CRMP1: variants seen among roughly 807,000 people sequenced by gnomAD.
The protein encoded by CRMP1 is dihydropyrimidinase-related protein 1.
Under a neutral mutation model 68.3 loss-of-function variants are expected in CRMP1, and 19 were observed. The ratio of observed to expected loss-of-function variants is 0.28; its 90% CI spans 0.19 to 0.41. The LOEUF (loss-of-function observed/expected upper bound fraction) is 0.41. Ranked by LOEUF, CRMP1 falls within the 10% of genes least tolerant of loss-of-function variation. The pLI is 1.00. For synonymous variants in CRMP1, 439 were observed against 399.6 expected, an observed-to-expected ratio of 1.10 and a Z score of -1.18; for missense variants, 791 against 967.4, an observed-to-expected ratio of 0.82 and a Z score of 2.42.
At position 5,883,183 on chromosome 4, in the gene CRMP1, C is replaced by A. The variant is rs58909631; in HGVS notation, c.381+9406G>T. On this transcript the variant is annotated intron_variant, in intron 1 of 13. Coordinates refer to ENST00000324989, the MANE Select transcript of CRMP1 (RefSeq NM_001014809.3). This position sits in a 1 kb window ranked among gnomAD's most constrained non-coding sequence, Gnocchi z 4.5. ...TGCTTCTGCCAGGGCTGAGTCATCT[C>A]TTCTCTGAATTCCTCTGACACCTGT... Among the ~76,000 whole-genome samples the A allele has an allele frequency of 2.5e-3, 376 of 152,278 alleles. 1 individual carries two copies. Among genetic ancestry groups the A allele is most frequent in the African/African-American group, 8.7e-3 (363 of 41,550 alleles).
rs11721972 is a variant in CRMP1, at chr4:5,877,490, G to A, written c.382-10734C>T. Reference sequence around the variant, plus strand: ...GCAAGTGCTGCCATCCCATCCAGCTGCACACTCATATTTATTCACAGAAAC... The same window carrying A: ...GCAAGTGCTGCCATCCCATCCAGCTACACACTCATATTTATTCACAGAAAC... On this transcript the variant is annotated intron_variant, in intron 1 of 13. Coordinates refer to ENST00000324989, the MANE Select transcript of CRMP1 (RefSeq NM_001014809.3). This position sits in a 1 kb window ranked among gnomAD's most constrained non-coding sequence, Gnocchi z 4.3. 2.0e-5 allele frequency among the ~76,000 whole-genome samples: 3 copies of A among 152,142 alleles called. No homozygotes were observed. Among genetic ancestry groups the A allele is most frequent in the African/African-American group, 4.8e-5 (2 of 41,440 alleles).
At chr4:5,829,808 T>G (rs1276414724) in intron 11 of CRMP1, among the ~76,000 whole-genome samples, 1 of 152,216 alleles carries the variant, frequency 6.6e-6, no homozygotes, top group Non-Finnish European at 1.5e-5. Context: ...AACAGTTGGG[T>G]CATTACCATG....
intron 3 of CRMP1, among the ~76,000 whole-genome samples, chr4:5,856,673 CCAT>C (rs576240234): frequency 1.6e-4 from 24 of 151,180 alleles, no homozygotes; most frequent in East Asian, 1.6e-3. Flanking sequence ...ATTACCATCA[CCAT>C]CATCATCATC....
chr4:5,823,461 T>G (rs1560473940), intron 13 of CRMP1, among the ~76,000 whole-genome samples: 1 of 152,208 alleles, frequency 6.6e-6, no homozygotes, highest in South Asian at 2.1e-4. Context: ...GACACTAATA[T>G]GGTTTGGACT....
chr4:5,828,205 C>T, intron 12 of CRMP1: 2 of 985,408 alleles, frequency 2.0e-6, no homozygotes, highest in Non-Finnish European at 2.4e-6. Context: ...GGACAGCGCC[C>T]AGAGCAGCTT....
intron 1 of CRMP1, among the ~76,000 whole-genome samples, chr4:5,875,759 C>A (rs1714769814): frequency 1.3e-5 from 2 of 152,120 alleles, no homozygotes; most frequent in South Asian, 4.1e-4. Context: ...ACACAGAGAC[C>A]GTGAGTTTTC....
Position 5,889,891 on chromosome 4 carries a change from G to C in CRMP1, c.381+2698C>G. On this transcript the variant is annotated intron_variant, in intron 1 of 13. Transcript: ENST00000324989. This position sits in a 1 kb window ranked among gnomAD's most constrained non-coding sequence, Gnocchi z 4.5. ...TTAGCTTCACAGAGAAGCCAGCTCA[G>C]TATCCCAGGAACACTAGGCATAATT... 7.1e-7 allele frequency: 1 copy of C among 1,417,774 alleles called. No individual in the cohort carries two copies. The highest frequency in any genetic ancestry group is 9.2e-7 in the Non-Finnish European group (1 of 1,088,202). 87.8% of individuals were successfully genotyped at this position (1,417,774 alleles called of 1,614,324 possible).
At position 5,888,289 on chromosome 4, in the gene CRMP1, C is replaced by A; in HGVS notation, c.381+4300G>T. The A allele has an allele frequency of 7.9e-7, 1 of 1,266,168 alleles. No homozygotes were observed. The highest frequency in any genetic ancestry group is 3.9e-5 in the Admixed American group (1 of 25,532). The allele number at this position is 1,266,168 out of a possible 1,614,324, so 78.4% of individuals were successfully genotyped here. On this transcript the variant is annotated intron_variant, in intron 1 of 13. Transcript: ENST00000324989. The surrounding 1 kb of genome is among the most constrained non-coding windows in gnomAD (Gnocchi z 6.4). ...CATGGCCCCCTCTGGCGCCCTCGGC[C>A]CGGCCGCTGACCTGCGGGGCTGTCT...
Position 5,842,589 on chromosome 4 carries a change from C to A in CRMP1, c.1032+504G>T, listed in dbSNP as rs1252780232. On this transcript the variant is annotated intron_variant, in intron 7 of 13. Transcript: ENST00000324989. This position sits in a 1 kb window ranked among gnomAD's most constrained non-coding sequence, Gnocchi z 4.5. ...GTGCATGCACATGCACCCACACTCA[C>A]ACACTCTCTCACACACACACACACA... 8.3e-6 allele frequency among the ~76,000 whole-genome samples: 1 copy of A among 120,134 alleles called. No homozygotes were observed. The highest frequency in any genetic ancestry group is 2.3e-4 in the East Asian group (1 of 4,348). The allele number at this position is 120,134 out of a possible 152,430, so 78.8% of individuals were successfully genotyped here.
Position 5,888,655 on chromosome 4 carries a change from C to T in CRMP1, c.381+3934G>A. On this transcript the variant is annotated intron_variant, in intron 1 of 13. Transcript: ENST00000324989. This position sits in a 1 kb window ranked among gnomAD's most constrained non-coding sequence, Gnocchi z 6.4. ...CCGCCCCCCACCCGCCCAGCCCCGCCGACCCCCGCCCTGCGCACACGCCCT... is the reference window on the plus strand; with the variant it reads ...CCGCCCCCCACCCGCCCAGCCCCGCTGACCCCCGCCCTGCGCACACGCCCT... 1.0e-6 allele frequency: 1 copy of T among 972,084 alleles called. No homozygotes were observed. The highest frequency in any genetic ancestry group is 1.2e-6 in the Non-Finnish European group (1 of 821,634). The allele number at this position is 972,084 out of a possible 1,614,324, so 60.2% of individuals were successfully genotyped here. A position where few individuals can be genotyped will look rare whatever the true frequency, so the allele number is the denominator to read the frequency against.
intron 4 of CRMP1, among the ~76,000 whole-genome samples, chr4:5,851,846 G>T (rs1250226629): frequency 1.3e-5 from 2 of 149,944 alleles, no homozygotes; most frequent in Non-Finnish European, 3.0e-5. Context: ...AAGGGGAGGA[G>T]GAGGAGGAAG....
In CRMP1 at chr4:5,872,036, G is replaced by T. The variant is rs1714490901; in HGVS notation, c.382-5280C>A. Among the ~76,000 whole-genome samples, 1 of 152,108 alleles carries T rather than the reference G, an allele frequency of 6.6e-6. No homozygotes were observed. Among genetic ancestry groups the T allele is most frequent in the African/African-American group, 2.4e-5 (1 of 41,426 alleles). Reference sequence around the variant, plus strand: ...AGGCTAGAGCCAAGGGTTCCTAATGGCCTGTCCAGCATTCCAGCCACCAAG... The same window carrying T: ...AGGCTAGAGCCAAGGGTTCCTAATGTCCTGTCCAGCATTCCAGCCACCAAG... On this transcript the variant is annotated intron_variant, in intron 1 of 13. Coordinates refer to ENST00000324989, the MANE Select transcript of CRMP1 (RefSeq NM_001014809.3). This position sits in a 1 kb window ranked among gnomAD's most constrained non-coding sequence, Gnocchi z 4.6.
At chr4:5,840,559 A>G (rs1315514185) in intron 8 of CRMP1, among the ~76,000 whole-genome samples, 1 of 152,134 alleles carries the variant, frequency 6.6e-6, no homozygotes, top group African/African-American at 2.4e-5. Context: ...CAGCTGCCCA[A>G]CCAGCAACCA....
At position 5,841,828 on chromosome 4, in the gene CRMP1, C is replaced by T. The variant is rs559517552; in HGVS notation, c.1033-400G>A. Among the ~76,000 whole-genome samples the T allele has an allele frequency of 3.3e-5, 5 of 152,244 alleles. No individual in the cohort carries two copies. The South Asian group carries it at 1.0e-3, about 32-fold the overall frequency. On this transcript the variant is annotated intron_variant, in intron 7 of 13. Coordinates refer to ENST00000324989, the MANE Select transcript of CRMP1 (RefSeq NM_001014809.3). The surrounding 1 kb of genome is among the most constrained non-coding windows in gnomAD (Gnocchi z 6.9). ...CTGTGTCCCCTGTGTCCAGCAGACA[C>T]CAGGCCCAGGGCATGGGCCCAGAAG...
In CRMP1 at chr4:5,853,233, T is replaced by TGATA. The variant is rs1712796910; in HGVS notation, c.821-1768_821-1765dup. ...TTCAGGACCAGCCTGGCCAATATGG[T>TGATA]GATACCCCGTCTCTACTAAAAATAC... On this transcript the variant is annotated intron_variant, in intron 4 of 13. Transcript: ENST00000324989. This position sits in a 1 kb window ranked among gnomAD's most constrained non-coding sequence, Gnocchi z 4.7. 6.6e-6 allele frequency among the ~76,000 whole-genome samples: 1 copy of TGATA among 152,074 alleles called. No individual in the cohort carries two copies. The highest frequency in any genetic ancestry group is 2.1e-4 in the South Asian group (1 of 4,822).
At chr4:5,876,579 T>C (rs1023399840) in intron 1 of CRMP1, among the ~76,000 whole-genome samples, 4 of 152,232 alleles carry the variant, frequency 2.6e-5, no homozygotes, top group African/African-American at 9.6e-5. Flanking sequence ...AGAAATGTGC[T>C]TATCCAAGCA....
rs1377309124 is a variant in CRMP1 at position 5,881,019 on chromosome 4, G to A, written c.381+11570C>T. On this transcript the variant is annotated intron_variant, in intron 1 of 13. Coordinates refer to ENST00000324989, the MANE Select transcript of CRMP1 (RefSeq NM_001014809.3). The surrounding 1 kb of genome is among the most constrained non-coding windows in gnomAD (Gnocchi z 4.6). The stretch of plus-strand genomic sequence containing the variant: ...GCAACAAGCCAAAGTTACTGAAATT[G>A]AAGTGCTCACCACCCCCAGCCCAGG... Among the ~76,000 whole-genome samples the A allele has an allele frequency of 6.6e-6, 1 of 152,178 alleles. No individual in the cohort carries two copies. The highest frequency in any genetic ancestry group is 1.5e-5 in the Non-Finnish European group (1 of 68,034).
intron 2 of CRMP1, among the ~76,000 whole-genome samples, chr4:5,863,029 T>C (rs1713699505): frequency 6.6e-6 from 1 of 152,128 alleles, no homozygotes. Flanking sequence ...CCCAGGCTAA[T>C]CTTGAACTCC....
chr4:5,826,112 A>G (rs16837710), intron 12 of CRMP1: 9,603 of 207,394 alleles, frequency 0.046, 265 homozygotes, highest in African/African-American at 0.062. Context: ...ATACACACCC[A>G]TATATACACT....
Sources: gnomAD v4.1 joint callset for allele counts (sites outside exome capture counted in the v4.1 genomes callset) on GRCh38, gnomAD v4.1.1 for gene constraint, Gnocchi (gnomAD v3.1) non-coding constraint, MANE v1.5 for transcripts, NCBI Gene and HGNC (gene_info 2026-07-23, HGNC 2026-07-21) for gene names.